DOCK5: variants seen among roughly 807,000 people sequenced by gnomAD.
DOCK5 encodes the protein dedicator of cytokinesis protein 5.
In DOCK5, 142 loss-of-function variants were observed where a neutral mutation model predicts 251.8. That is an observed-to-expected ratio of 0.56 (90% confidence interval 0.49 to 0.65). The LOEUF is 0.65. Among genes scored for constraint, DOCK5 ranks in the 30% least tolerant of loss-of-function variants. The pLI is 0.00. For missense variants in DOCK5, 2,111 were observed against 2,312.3 expected (o/e 0.91, Z 1.79); for synonymous variants, 842 against 835.5 (o/e 1.01, Z -0.13).
At chr8:25,308,044 G>A (rs933880517) in intron 11 of DOCK5, among the ~76,000 whole-genome samples, 1 of 152,228 alleles carries the variant, frequency 6.6e-6, no homozygotes, top group Non-Finnish European at 1.5e-5. Flanking sequence ...GAACCCTGCA[G>A]AGAAAACTGG....
At chr8:25,259,044 G>T (rs972385578) in intron 2 of DOCK5, among the ~76,000 whole-genome samples, 2 of 151,860 alleles carry the variant, frequency 1.3e-5, no homozygotes, top group African/African-American at 2.4e-5. Flanking sequence ...GCTTGAGCCC[G>T]GGGGGGCGGA....
intron 27 of DOCK5, among the ~76,000 whole-genome samples, chr8:25,357,510 T>C (rs1291553244): frequency 1.3e-5 from 2 of 150,714 alleles, no homozygotes; most frequent in Non-Finnish European, 2.9e-5. Flanking sequence ...CCCGAGTAGC[T>C]GGGATTATAG....
chr8:25,273,630 G>A (rs1803970592), intron 3 of DOCK5, among the ~76,000 whole-genome samples: 1 of 152,170 alleles, frequency 6.6e-6, no homozygotes, highest in East Asian at 1.9e-4. Context: ...ATGAACGCAT[G>A]AATGAATAAA....
At chr8:25,308,699 A>C in intron 11 of DOCK5, 84 bp from the exon 12 acceptor site, 4 of 1,487,322 alleles carry the variant, frequency 2.7e-6, no homozygotes, top group Middle Eastern at 1.8e-4. Context: ...AATTATTCCT[A>C]TATGACTCAC....
At chr8:25,224,428 T>A (rs1802471063) in intron 1 of DOCK5, among the ~76,000 whole-genome samples, 1 of 152,242 alleles carries the variant, frequency 6.6e-6, no homozygotes, top group Admixed American at 6.5e-5. Context: ...CTTAATCATC[T>A]TTGTCATTTC....
In DOCK5 at chr8:25,254,801, A is replaced by AAAAAAAAAAAAAT. The variant is rs1803374630; in HGVS notation, c.127+11048_127+11049insAAAAAAAATAAAA. Among the ~76,000 whole-genome samples the AAAAAAAAAAAAAT allele has an allele frequency of 1.3e-5, 2 of 148,302 alleles. 1 individual carries two copies. Among genetic ancestry groups the AAAAAAAAAAAAAT allele is most frequent in the Non-Finnish European group, 3.0e-5 (2 of 67,138 alleles). On this transcript the variant is annotated intron_variant, in intron 2 of 51. Transcript: ENST00000276440. Reference sequence around the variant, plus strand: ...AAAAAAACAAAACAAAACAAAAAAAAAAAACATTTGATAAAGGACTATTAT... The same window carrying AAAAAAAAAAAAAT: ...AAAAAAACAAAACAAAACAAAAAAAAAAAAAAAAAAAATAAAACATTTGATAAAGGACTATTAT...
chr8:25,364,199 C>G (rs145978366), intron 29 of DOCK5, among the ~76,000 whole-genome samples: 2 of 152,286 alleles, frequency 1.3e-5, no homozygotes, highest in African/African-American at 4.8e-5. Context: ...ATTATTAACT[C>G]TACATGATAC....
At chr8:25,319,449 A>G in intron 14 of DOCK5, 129 bp from the exon 15 acceptor site, 1 of 547,270 alleles carries the variant, frequency 1.8e-6, no homozygotes, top group Non-Finnish European at 3.2e-6. Context: ...AAACTTAATC[A>G]GCCGATCAGT....
intron 5 of DOCK5, among the ~76,000 whole-genome samples, chr8:25,281,454 A>G (rs1804190531): frequency 7.1e-6 from 1 of 139,884 alleles, no homozygotes; most frequent in Non-Finnish European, 1.6e-5. Flanking sequence ...AAAAAAAAAA[A>G]GTGAACGGGG....
At chr8:25,202,006 A>G (rs1237913042) in intron 1 of DOCK5, among the ~76,000 whole-genome samples, 1 of 150,788 alleles carries the variant, frequency 6.6e-6, no homozygotes, top group Non-Finnish European at 1.5e-5. Context: ...GGAAAAAAAC[A>G]TATATATATA....
At chr8:25,240,083 G>A (rs2117538942) in intron 1 of DOCK5, among the ~76,000 whole-genome samples, 1 of 152,254 alleles carries the variant, frequency 6.6e-6, no homozygotes, top group African/African-American at 2.4e-5. Flanking sequence ...TTCCCTGTGG[G>A]ATATACTGAT....
chr8:25,259,064 G>T (rs2117579191), intron 2 of DOCK5, among the ~76,000 whole-genome samples: 1 of 152,298 alleles, frequency 6.6e-6, no homozygotes, highest in Non-Finnish European at 1.5e-5. Flanking sequence ...AGGTTGCAGT[G>T]AGGTGAAATC....
At chr8:25,395,816 G>T in intron 45 of DOCK5, 97 bp downstream of exon 45, 1 of 1,322,692 alleles carries the variant, frequency 7.6e-7, no homozygotes, top group Admixed American at 2.0e-5. Context: ...ATTTCCTACA[G>T]CTGCTCTAAG....
At chr8:25,355,658 C>T (rs185263419) in intron 27 of DOCK5, among the ~76,000 whole-genome samples, 33 of 152,142 alleles carry the variant, frequency 2.2e-4, no homozygotes, top group African/African-American at 6.7e-4. Flanking sequence ...CCATGTTGGC[C>T]GGGCTAGTCT....
chr8:25,258,188 C>G (rs1057072180), intron 2 of DOCK5, among the ~76,000 whole-genome samples: 8 of 151,784 alleles, frequency 5.3e-5, no homozygotes, highest in African/African-American at 1.9e-4. Context: ...CTCTATTTTG[C>G]TGACTGTGAT....
At chr8:25,347,922 G>C (rs1333982235) in intron 26 of DOCK5, among the ~76,000 whole-genome samples, 1 of 152,134 alleles carries the variant, frequency 6.6e-6, no homozygotes, top group Non-Finnish European at 1.5e-5. Flanking sequence ...GAAATGACTT[G>C]AATGTATTTA....
intron 40 of DOCK5, among the ~76,000 whole-genome samples, chr8:25,385,279 A>G (rs1209883423): frequency 6.6e-6 from 1 of 152,090 alleles, no homozygotes; most frequent in African/African-American, 2.4e-5. Context: ...TCCATGGAGA[A>G]TGGATGGGAG....
rs773777881 is a variant in DOCK5, at chr8:25,412,931, G to C, written c.*1633G>C. On this transcript the variant is annotated 3_prime_UTR_variant, in exon 52 of 52. Coordinates refer to ENST00000276440, the MANE Select transcript of DOCK5 (RefSeq NM_024940.8). ...AAATGAGTATGCAGATTCTGGAAGG[G>C]GTGTGGAAAAGGTGATCCTTTACCC... The C allele has an allele frequency of 1.3e-5, 2 of 152,066 alleles. No homozygotes were observed. The highest frequency in any genetic ancestry group is 2.9e-5 in the Non-Finnish European group (2 of 68,046). 9.4% of individuals were successfully genotyped at this position (152,066 alleles called of 1,614,324 possible).
chr8:25,266,569 G>T (rs995754155), intron 2 of DOCK5, among the ~76,000 whole-genome samples: 19 of 151,828 alleles, frequency 1.3e-4, no homozygotes, highest in Non-Finnish European at 2.5e-4. Flanking sequence ...GGATTAATTG[G>T]AAAACTGGAT....
Sources: allele counts gnomAD v4.1 joint callset (sites outside exome capture counted in the v4.1 genomes callset), GRCh38; gene constraint gnomAD v4.1.1; transcripts MANE v1.5; gene names NCBI Gene and HGNC (gene_info 2026-07-23, HGNC 2026-07-21).